The following ZNF451 variants were observed in gnomAD, a reference collection of about 807,000 sequenced individuals.
ZNF451 encodes E3 SUMO-protein ligase ZNF451.
Under a neutral mutation model 107.1 loss-of-function variants are expected in ZNF451, and 80 were observed. The observed-to-expected ratio is 0.75, with a 90% CI of 0.62 to 0.90. ZNF451 has a LOEUF of 0.90. Ranked by LOEUF, ZNF451 falls within the 40% of genes least tolerant of loss-of-function variation. ZNF451 has a pLI of 0.00. For synonymous variants in ZNF451, 362 were observed against 406.5 expected (o/e 0.89, Z 1.32); for missense variants, 1,107 against 1,236.2 (o/e 0.90, Z 1.57).
At chr6:57,093,883 A>G (rs564339936) in intron 2 of ZNF451, among the ~76,000 whole-genome samples, 4 of 152,382 alleles carry the variant, frequency 2.6e-5, no homozygotes, top group Middle Eastern at 3.4e-3. Context: ...AATTTGAACT[A>G]TAAAACAGGC....
intron 3 of ZNF451, among the ~76,000 whole-genome samples, chr6:57,124,116 G>A (rs1237644054): frequency 6.6e-6 from 1 of 152,172 alleles, no homozygotes; most frequent in Non-Finnish European, 1.5e-5. Context: ...ATCATTAAAT[G>A]TGTTGTTAGC....
At chr6:57,092,516 G>A (rs914393567) in intron 2 of ZNF451, among the ~76,000 whole-genome samples, 11 of 152,206 alleles carry the variant, frequency 7.2e-5, no homozygotes, top group African/African-American at 2.6e-4. Context: ...ACTAGAAGAA[G>A]CCTATTAAAA....
chr6:57,166,518 A>G (rs1325988365), intron 14 of ZNF451, among the ~76,000 whole-genome samples: 1 of 152,150 alleles, frequency 6.6e-6, no homozygotes, highest in African/African-American at 2.4e-5. Flanking sequence ...CTACTTTTAA[A>G]TTGTTTTATT....
chr6:57,114,440 A>G lies in ZNF451; in HGVS notation c.187-10294A>G, dbSNP rs534204038. ...AGCTAAATGTTTTTTGCTTTAAGTG[A>G]TAACGGTGTTTGGCTTGAAATTTGT... On this transcript the variant is annotated intron_variant, in intron 3 of 14. Coordinates refer to ENST00000370706, the MANE Select transcript of ZNF451 (RefSeq NM_001031623.3). 2.0e-5 allele frequency among the ~76,000 whole-genome samples: 3 copies of G among 152,330 alleles called. No homozygotes were observed. In the East Asian group the frequency reaches 5.8e-4, roughly 29 times the overall value.
chr6:57,150,878 AAAAC>A lies in ZNF451; in HGVS notation c.2752+20_2752+23del, dbSNP rs1300571550. The A allele has an allele frequency of 9.3e-6, 15 of 1,612,396 alleles. No individual in the cohort carries two copies. Among genetic ancestry groups the A allele is most frequent in the Admixed American group, 1.7e-5 (1 of 59,592 alleles). On this transcript the variant is annotated intron_variant, in intron 11 of 14. Coordinates refer to ENST00000370706, the MANE Select transcript of ZNF451 (RefSeq NM_001031623.3). ...GGCTTTCAAGGTACGGTTAATAAGA[AAAAC>A]AAAAGAAAACTTTTTCCCACCTCTT... is the stretch of plus-strand genomic sequence containing the variant.
At chr6:57,105,559 C>G in intron 3 of ZNF451, 1 of 985,362 alleles carries the variant, frequency 1.0e-6, no homozygotes, top group Non-Finnish European at 1.2e-6. Flanking sequence ...CTTTATAGCA[C>G]TGTTGATTCA....
rs2127959794 is a variant in ZNF451 at position 57,124,724 on chromosome 6, C to T, written c.187-10C>T. ...TGTTAAAAGGAATGAAAATTTTTTT[C>T]ATGTTATAGGAGAATATTAAACGTA... On this transcript the variant is annotated splice_polypyrimidine_tract_variant and intron_variant, in intron 3 of 14. Transcript: ENST00000370706. 2 of 1,556,582 alleles carry T rather than the reference C, an allele frequency of 1.3e-6. No homozygotes were observed. Among genetic ancestry groups the T allele is most frequent in the South Asian group, 1.2e-5 (1 of 86,646 alleles).
chr6:57,138,731 A>ATGTGTGTGTGTG (rs1298715865), intron 7 of ZNF451, among the ~76,000 whole-genome samples: 24 of 113,200 alleles, frequency 2.1e-4, no homozygotes, highest in Non-Finnish European at 3.5e-4. Context: ...ATATATATAT[A>ATGTGTGTGTGTG]TATATATATA....
chr6:57,149,663 A>C lies in ZNF451; in HGVS notation c.2608+970A>C, dbSNP rs1050260235. 2.0e-5 allele frequency among the ~76,000 whole-genome samples: 3 copies of C among 152,326 alleles called. No individual in the cohort carries two copies. In the South Asian group the frequency reaches 6.2e-4, roughly 32 times the overall value. ...AGTAATGTATTTTTATGAACTATTGAATTTTTAGAGTCTTGCTCTATACCA... is the reference window on the plus strand; with the variant it reads ...AGTAATGTATTTTTATGAACTATTGCATTTTTAGAGTCTTGCTCTATACCA... On this transcript the variant is annotated intron_variant, in intron 10 of 14. Transcript: ENST00000370706.
chr6:57,148,223 T>G lies in ZNF451; in HGVS notation c.2138T>G (p.Val713Gly). 1 of 1,613,998 alleles carries G rather than the reference T, an allele frequency of 6.2e-7. No individual in the cohort carries two copies. The highest frequency in any genetic ancestry group is 8.5e-7 in the Non-Finnish European group (1 of 1,179,958). ...TSIKTEDDFP[V>G]IETSNQLTCG... is the part of the protein sequence containing the mutation. ...ATTAAAACCGAAGATGATTTTCCAG[T>G]AATAGAGACCAGTAACCAGTTAACT... Residue 713 changes from valine to glycine, a missense_variant, in exon 10 of 15, where the codon GTA becomes GGA. Physicochemically the swap from Val to Gly is moderately radical, Grantham distance 109. This residue lies in a region of ZNF451 where 608 missense variants were observed against 649.2 expected (regional missense o/e 0.94). Transcript: ENST00000370706.
At chr6:57,133,799 T>C (rs1831297227) in intron 6 of ZNF451, among the ~76,000 whole-genome samples, 1 of 152,054 alleles carries the variant, frequency 6.6e-6, no homozygotes, top group African/African-American at 2.4e-5. Flanking sequence ...CTCAGCCTCC[T>C]GAGTGTCTGG....
At chr6:57,097,172 G>A (rs901014636) in intron 2 of ZNF451, among the ~76,000 whole-genome samples, 15 of 151,994 alleles carry the variant, frequency 9.9e-5, no homozygotes, top group Non-Finnish European at 2.1e-4. Flanking sequence ...TTTTACTTCC[G>A]TGTTTATAGT....
At chr6:57,143,122 A>C (rs372153841) in intron 9 of ZNF451, among the ~76,000 whole-genome samples, 16 of 152,212 alleles carry the variant, frequency 1.1e-4, no homozygotes, top group African/African-American at 3.8e-4. Flanking sequence ...TAGAATATAC[A>C]AATATTTATG....
chr6:57,161,904 A>G (rs1359479206), intron 14 of ZNF451, among the ~76,000 whole-genome samples: 5 of 152,168 alleles, frequency 3.3e-5, no homozygotes, highest in Non-Finnish European at 7.3e-5. Context: ...AGGAAAAGCT[A>G]TTTCCTTCCA....
intron 7 of ZNF451, among the ~76,000 whole-genome samples, chr6:57,140,658 A>AC (rs1831708201): frequency 6.6e-6 from 1 of 152,108 alleles, no homozygotes; most frequent in Non-Finnish European, 1.5e-5. Flanking sequence ...GGGAAAAAAA[A>AC]ACCCAAAACT....
Position 57,102,241 on chromosome 6 carries a change from C to G in ZNF451, c.186+3100C>G, listed in dbSNP as rs558519211. On this transcript the variant is annotated intron_variant, in intron 3 of 14. Coordinates refer to ENST00000370706, the MANE Select transcript of ZNF451 (RefSeq NM_001031623.3). ...AATGATCACAGCTGACATTTGAATTCTAGACTTTTGAAATGAAGTATATAA... is the reference window on the plus strand; with the variant it reads ...AATGATCACAGCTGACATTTGAATTGTAGACTTTTGAAATGAAGTATATAA... 4.1e-4 allele frequency: 562 copies of G among 1,379,402 alleles called. 6 individuals are homozygous for G. In the South Asian group the frequency reaches 0.01, roughly 25 times the overall value. 85.4% of individuals were successfully genotyped at this position (1,379,402 alleles called of 1,614,324 possible). A position where few individuals can be genotyped will look rare whatever the true frequency, so the allele number is the denominator to read the frequency against.
rs192633113 is a variant in ZNF451, at chr6:57,168,520, C to A, written c.*51C>A. The stretch of plus-strand genomic sequence containing the variant: ...AGTGGCCTTGAAGAGACTGAGATAA[C>A]GAATTCTTGAGTTTGTTTTCTAAAG... On this transcript the variant is annotated 3_prime_UTR_variant, in exon 15 of 15. Transcript: ENST00000370706. 4.9e-6 allele frequency: 7 copies of A among 1,432,520 alleles called. No homozygotes were observed. In the African/African-American group the frequency reaches 7.1e-5, roughly 15 times the overall value. 88.7% of individuals were successfully genotyped at this position (1,432,520 alleles called of 1,614,324 possible). A position where few individuals can be genotyped will look rare whatever the true frequency, so the allele number is the denominator to read the frequency against.
intron 13 of ZNF451, 130 bp from the exon 14 acceptor site, chr6:57,160,954 G>A (rs1763645692): frequency 2.0e-6 from 1 of 500,118 alleles, no homozygotes; most frequent in African/African-American, 2.0e-5. Context: ...AACCTAGTGT[G>A]GGAAAGTAGT....
intron 7 of ZNF451, among the ~76,000 whole-genome samples, chr6:57,138,064 A>G (rs1351268780): frequency 6.6e-6 from 1 of 152,180 alleles, no homozygotes; most frequent in Non-Finnish European, 1.5e-5. Flanking sequence ...TCTATAAACC[A>G]ACATCTAAGT....
Sources: allele counts gnomAD v4.1 joint callset (sites outside exome capture counted in the v4.1 genomes callset), GRCh38; gene constraint gnomAD v4.1.1; regional missense constraint gnomAD v4.1.1; transcripts MANE v1.5; gene names NCBI Gene and HGNC (gene_info 2026-07-23, HGNC 2026-07-21).